SRPK2: variants seen among roughly 807,000 people sequenced by gnomAD.
SRPK2 encodes SRSF protein kinase 2.
Under a neutral mutation model 90.8 loss-of-function variants are expected in SRPK2, and 21 were observed. The ratio of observed to expected loss-of-function variants is 0.23; its 90% CI spans 0.16 to 0.33. SRPK2 has a LOEUF of 0.33. Among genes scored for constraint, SRPK2 ranks in the 10% least tolerant of loss-of-function variants. The pLI, the probability that SRPK2 is intolerant of heterozygous loss-of-function variation, is 1.00. For synonymous variants in SRPK2, 288 were observed against 311.1 expected, an observed-to-expected ratio of 0.93 and a Z score of 0.78; for missense variants, 620 against 869.0, an observed-to-expected ratio of 0.71 and a Z score of 3.60.
At chr7:105,173,373 G>T (rs1210500833) in intron 3 of SRPK2, among the ~76,000 whole-genome samples, 1 of 152,126 alleles carries the variant, frequency 6.6e-6, no homozygotes, top group Non-Finnish European at 1.5e-5. Context: ...TTCTCATATT[G>T]TAACTCCTGG....
intron 2 of SRPK2, among the ~76,000 whole-genome samples, chr7:105,383,052 A>ATTTT (rs1563315577): frequency 0.044 from 4,612 of 105,058 alleles, 1,002 homozygotes; most frequent in East Asian, 0.13. Flanking sequence ...CAAAAGTAAA[A>ATTTT]ATTTTTTTTT....
Position 105,301,503 on chromosome 7 carries a change from C to G in SRPK2, c.71+87145G>C, listed in dbSNP as rs1352186579. 4 of 1,292,602 alleles carry G rather than the reference C, an allele frequency of 3.1e-6. No individual in the cohort carries two copies. The East Asian group carries it at 6.9e-5, about 22-fold the overall frequency. The allele number at this position is 1,292,602 out of a possible 1,614,324, so 80.1% of individuals were successfully genotyped here. A position where few individuals can be genotyped will look rare whatever the true frequency, so the allele number is the denominator to read the frequency against. ...GCAAGCACCGTCCACTCAGGAGGCG[C>G]CCCGCAACCGGTGTGACGAGTGCCA... On this transcript the variant is annotated intron_variant, in intron 2 of 15. Coordinates refer to ENST00000393651, the MANE Select transcript of SRPK2 (RefSeq NM_182692.3).
intron 3 of SRPK2, chr7:105,189,274 G>T (rs765208272): frequency 5.2e-5 from 8 of 153,748 alleles, no homozygotes; most frequent in Non-Finnish European, 8.7e-5. Flanking sequence ...ATAAATCAAG[G>T]CCCTAATTAA....
At chr7:105,263,261 T>A (rs1804569199) in intron 2 of SRPK2, among the ~76,000 whole-genome samples, 1 of 151,760 alleles carries the variant, frequency 6.6e-6, no homozygotes, top group African/African-American at 2.4e-5. Context: ...AGGCAGAGGT[T>A]GCAGTGAGCT....
intron 2 of SRPK2, among the ~76,000 whole-genome samples, chr7:105,376,882 T>TAGACACACACAC (rs1820375801): frequency 8.3e-6 from 1 of 121,000 alleles, no homozygotes; most frequent in East Asian, 2.4e-4. Context: ...TTTTCTCCTT[T>TAGACACACACAC]ACACACACAC....
At chr7:105,143,658 A>C in intron 9 of SRPK2, 1 of 287,324 alleles carries the variant, frequency 3.5e-6, no homozygotes, top group East Asian at 8.3e-5. Context: ...TCCTCTTGCA[A>C]GTTTTATTTG....
intron 2 of SRPK2, among the ~76,000 whole-genome samples, chr7:105,347,770 T>C (rs1278380934): frequency 2.0e-5 from 3 of 151,640 alleles, no homozygotes; most frequent in Non-Finnish European, 4.4e-5. Context: ...AGCAGGAGAA[T>C]TGCTTGAACC....
chr7:105,369,225 C>A (rs1447532609), intron 2 of SRPK2, among the ~76,000 whole-genome samples: 1 of 151,894 alleles, frequency 6.6e-6, no homozygotes, highest in Non-Finnish European at 1.5e-5. Context: ...CAGCTCACTG[C>A]CACCTCCACC....
chr7:105,157,557 G>GA (rs368142400), intron 7 of SRPK2, among the ~76,000 whole-genome samples: 4 of 152,134 alleles, frequency 2.6e-5, no homozygotes, highest in African/African-American at 7.2e-5. Flanking sequence ...AGCTTAGGGG[G>GA]AAAAAATCCA....
At chr7:105,349,586 C>CA (rs1268918716) in intron 2 of SRPK2, among the ~76,000 whole-genome samples, 1 of 151,748 alleles carries the variant, frequency 6.6e-6, no homozygotes, top group African/African-American at 2.4e-5. Flanking sequence ...AAAGTACAAC[C>CA]ACACCTTAAT....
chr7:105,257,301 T>G (rs571859536), intron 2 of SRPK2, among the ~76,000 whole-genome samples: 1 of 152,208 alleles, frequency 6.6e-6, no homozygotes, highest in Admixed American at 6.5e-5. Context: ...CTGTTGAAAG[T>G]AGAGTTTTTA....
chr7:105,130,374 A>G (rs1172389039), intron 13 of SRPK2, among the ~76,000 whole-genome samples: 2 of 152,136 alleles, frequency 1.3e-5, no homozygotes, highest in South Asian at 2.1e-4. Flanking sequence ...AACGTGACAA[A>G]CTCCATCTCT....
intron 1 of SRPK2, among the ~76,000 whole-genome samples, chr7:105,397,925 G>T (rs773463363): frequency 3.9e-5 from 6 of 152,152 alleles, no homozygotes; most frequent in Non-Finnish European, 8.8e-5. Context: ...TGGGATTACA[G>T]GTGTGAACCA....
At chr7:105,371,559 C>G (rs1819686696) in intron 2 of SRPK2, among the ~76,000 whole-genome samples, 1 of 132,396 alleles carries the variant, frequency 7.6e-6, no homozygotes, top group Non-Finnish European at 1.6e-5. Context: ...TGAGACCAGC[C>G]TGGGCAACAG....
intron 2 of SRPK2, among the ~76,000 whole-genome samples, chr7:105,329,487 G>T (rs1814014827): frequency 6.6e-6 from 1 of 151,980 alleles, no homozygotes; most frequent in Non-Finnish European, 1.5e-5. Context: ...CAGCTACTCG[G>T]GAGGCTGAGG....
chr7:105,259,243 A>G (rs1206104022), intron 2 of SRPK2, among the ~76,000 whole-genome samples: 1 of 152,138 alleles, frequency 6.6e-6, no homozygotes, highest in African/African-American at 2.4e-5. Flanking sequence ...TACACCAATA[A>G]CAAACAGAGA....
intron 2 of SRPK2, among the ~76,000 whole-genome samples, chr7:105,323,039 A>G (rs976272768): frequency 1.3e-5 from 2 of 152,080 alleles, no homozygotes; most frequent in East Asian, 3.9e-4. Flanking sequence ...TCTCTACTAA[A>G]AATACAAAAG....
Position 105,203,801 on chromosome 7 carries a change from G to GA in SRPK2, c.72-17dup. On this transcript the variant is annotated splice_polypyrimidine_tract_variant and intron_variant, in intron 2 of 15. Transcript: ENST00000393651. ...AGGCTCCGGCCTGAAAGAGCAGAGA[G>GA]AAAATTGCTATTTACTTAGAAGTAC... The GA allele has an allele frequency of 6.4e-7, 1 of 1,558,698 alleles. No homozygotes were observed. The highest frequency in any genetic ancestry group is 2.4e-5 in the East Asian group (1 of 41,456).
intron 2 of SRPK2, among the ~76,000 whole-genome samples, chr7:105,325,832 CAAGAG>C (rs947534283): frequency 1.3e-5 from 2 of 152,186 alleles, no homozygotes; most frequent in Non-Finnish European, 2.9e-5. Flanking sequence ...CCAGCCTAAA[CAAGAG>C]AAGACCCTGT....
Sources: gnomAD v4.1 joint callset for allele counts (sites outside exome capture counted in the v4.1 genomes callset) on GRCh38, gnomAD v4.1.1 for gene constraint, MANE v1.5 for transcripts, NCBI Gene and HGNC (gene_info 2026-07-23, HGNC 2026-07-21) for gene names.